DHRS3: variants seen among roughly 807,000 people sequenced by gnomAD.
The protein encoded by DHRS3 is short-chain dehydrogenase/reductase 3.
DHRS3 carries 14 observed loss-of-function variants against 27.2 expected under a neutral mutation model. That is an observed-to-expected ratio of 0.52 (90% CI 0.34 to 0.81). The LOEUF is 0.81. Among genes scored for constraint, DHRS3 ranks in the 30% least tolerant of loss-of-function variants. The probability of loss-of-function intolerance (pLI) is 0.01; values close to 1 mark genes in which losing one functional copy is unlikely to be tolerated. For synonymous variants in DHRS3, 165 were observed against 175.9 expected, an observed-to-expected ratio of 0.94 and a Z score of 0.49; for missense variants, 322 against 406.2, an observed-to-expected ratio of 0.79 and a Z score of 1.78.
rs1007238492 is a variant in DHRS3 at position 12,592,010 on chromosome 1, G to A, written c.196-11344C>T. Among the ~76,000 whole-genome samples the A allele has an allele frequency of 6.6e-6, 1 of 152,210 alleles. No individual in the cohort carries two copies. Among genetic ancestry groups the A allele is most frequent in the Admixed American group, 6.5e-5 (1 of 15,290 alleles). ...CTGATGGGGCTCAGGTGGGAGGACA[G>A]GTGAGGACAGAAGCTGTTCTGAGCA... is the stretch of plus-strand genomic sequence containing the variant. On this transcript the variant is annotated intron_variant, in intron 1 of 5. Transcript: ENST00000616661. The surrounding 1 kb of genome is among the most constrained non-coding windows in gnomAD (Gnocchi z 4.2).
chr1:12,575,312 G>A (rs918195611), intron 4 of DHRS3, among the ~76,000 whole-genome samples: 5 of 150,018 alleles, frequency 3.3e-5, no homozygotes, highest in African/African-American at 1.2e-4. Context: ...GGGCGACAGA[G>A]CAAGACTTTG....
Position 12,590,472 on chromosome 1 carries a change from G to A in DHRS3, c.196-9806C>T, listed in dbSNP as rs113476997. On this transcript the variant is annotated intron_variant, in intron 1 of 5. Transcript: ENST00000616661. ...ATTACAGGCATGCGCCACCACGCCC[G>A]GCTAATTTTGTAATTTTAGTAGAGA... Among the ~76,000 whole-genome samples the A allele has an allele frequency of 1.9e-3, 287 of 152,084 alleles. 2 individuals carry two copies. Among genetic ancestry groups the A allele is most frequent in the African/African-American group, 6.0e-3 (250 of 41,466 alleles).
At chr1:12,570,153 C>T (rs981646711) in intron 5 of DHRS3, 1 of 152,206 alleles carries the variant, frequency 6.6e-6, no homozygotes, top group Non-Finnish European at 1.5e-5. Flanking sequence ...CCTGATTCCA[C>T]AAAGATGACG....
Position 12,579,716 on chromosome 1 carries a change from G to A in DHRS3, c.340-304C>T, listed in dbSNP as rs146867505. The A allele has an allele frequency of 4.9e-3, 1,344 of 272,114 alleles. 25 individuals carry two copies. Among genetic ancestry groups the A allele is most frequent in the African/African-American group, 0.028 (1,263 of 44,478 alleles). 16.9% of individuals were successfully genotyped at this position (272,114 alleles called of 1,614,324 possible). ...ATCTTGTTCTGACCTCAAGTGACCC[G>A]CCTGCCTCGGTCTCCCAAAATGCTG... is the stretch of plus-strand genomic sequence containing the variant. On this transcript the variant is annotated intron_variant, in intron 2 of 5. Transcript: ENST00000616661.
chr1:12,569,487 G>A (rs1646516873), intron 5 of DHRS3, among the ~76,000 whole-genome samples: 1 of 152,012 alleles, frequency 6.6e-6, no homozygotes, highest in African/African-American at 2.4e-5. Flanking sequence ...CATAAATGGG[G>A]TATCCATCAC....
chr1:12,582,468 C>T (rs1014431062), intron 1 of DHRS3, among the ~76,000 whole-genome samples: 1 of 152,234 alleles, frequency 6.6e-6, no homozygotes, highest in African/African-American at 2.4e-5. Context: ...CAGTTCCTCT[C>T]AATGACGGTA....
Position 12,578,865 on chromosome 1 carries a change from C to A in DHRS3, c.551G>T (p.Gly184Val). ...NSVLALSAIP[G>V]AIDYCTSKAS... Reference sequence around the variant, plus strand: ...TTTGGATGTGCAGTAGTCGATGGCACCGGGGATGGCAGACAGTGCCAGCAC... The same window carrying A: ...TTTGGATGTGCAGTAGTCGATGGCAACGGGGATGGCAGACAGTGCCAGCAC... The change falls in exon 4 of 6, where the codon GGT becomes GTT. Residue 184 changes from glycine (G) to valine (V), a missense_variant. Physicochemically the swap from Gly to Val is moderately radical, Grantham distance 109. Transcript: ENST00000616661. The surrounding 1 kb of genome is among the most constrained non-coding windows in gnomAD (Gnocchi z 4.5). The A allele has an allele frequency of 6.2e-7, 1 of 1,613,984 alleles. No homozygotes were observed. The highest frequency in any genetic ancestry group is 8.5e-7 in the Non-Finnish European group (1 of 1,180,028).
At chr1:12,604,078 A>G (rs775764730) in intron 1 of DHRS3, among the ~76,000 whole-genome samples, 1 of 152,182 alleles carries the variant, frequency 6.6e-6, no homozygotes, top group African/African-American at 2.4e-5. Context: ...TTTCAGTTGC[A>G]CCTTCTTCCT....
At chr1:12,612,991 C>T (rs970774973) in intron 1 of DHRS3, among the ~76,000 whole-genome samples, 2 of 151,170 alleles carry the variant, frequency 1.3e-5, no homozygotes, top group African/African-American at 2.4e-5. Context: ...ATCTGGGAGG[C>T]GGAGGTTGCA....
At chr1:12,576,284 T>C (rs4073718) in intron 4 of DHRS3, among the ~76,000 whole-genome samples, 74,445 of 151,614 alleles carry the variant, frequency 0.49, 18,504 homozygotes, top group East Asian at 0.65. Context: ...GACTGCCGGC[T>C]GGGCGTGGTG....
chr1:12,570,187 C>T (rs1490108096), intron 5 of DHRS3: 1 of 151,600 alleles, frequency 6.6e-6, no homozygotes, highest in Non-Finnish European at 1.5e-5. Context: ...GAATCAGGTT[C>T]GATTTGGGTG....
intron 1 of DHRS3, among the ~76,000 whole-genome samples, chr1:12,614,702 C>CTT (rs70987260): frequency 2.2e-4 from 20 of 92,664 alleles, no homozygotes; most frequent in African/African-American, 3.1e-4. Context: ...CTCTGGTACA[C>CTT]TTTTTTTTTT....
chr1:12,568,147 G>A lies in DHRS3; in HGVS notation c.*193C>T, dbSNP rs1646500504. ...TCTGGCTGTTTTCCTGCCTCCCTGT[G>A]GGGGTCAGTTATACCCATCAGTCCT... On this transcript the variant is annotated 3_prime_UTR_variant, in exon 6 of 6. Coordinates refer to ENST00000616661, the MANE Select transcript of DHRS3 (RefSeq NM_004753.7). 1.8e-6 allele frequency: 1 copy of A among 549,678 alleles called. No individual in the cohort carries two copies. The highest frequency in any genetic ancestry group is 1.9e-5 in the African/African-American group (1 of 52,504). The allele number at this position is 549,678 out of a possible 1,614,324, so 34.1% of individuals were successfully genotyped here.
intron 1 of DHRS3, among the ~76,000 whole-genome samples, chr1:12,587,076 C>T (rs529144805): frequency 2.0e-5 from 3 of 151,562 alleles, no homozygotes; most frequent in Non-Finnish European, 4.4e-5. Context: ...GAAAAATGCT[C>T]AGGAGTCTAA....
intron 2 of DHRS3, 167 bp downstream of exon 2, chr1:12,580,356 G>T: frequency 1.2e-6 from 1 of 810,850 alleles, no homozygotes; most frequent in Non-Finnish European, 2.1e-6. Flanking sequence ...CCTAATCCCT[G>T]CCTATGTAAC....
intron 1 of DHRS3, among the ~76,000 whole-genome samples, chr1:12,613,911 G>A (rs75523956): frequency 4.9e-4 from 74 of 151,850 alleles, no homozygotes; most frequent in African/African-American, 1.5e-3. Flanking sequence ...CTGGGATTAC[G>A]GGCGCTTACC....
At chr1:12,599,615 T>A (rs1465708901) in intron 1 of DHRS3, among the ~76,000 whole-genome samples, 1 of 151,964 alleles carries the variant, frequency 6.6e-6, no homozygotes, top group East Asian at 1.9e-4. Flanking sequence ...CTCACACTTT[T>A]GTTCTGGCCA....
chr1:12,580,287 C>T, intron 2 of DHRS3: 1 of 557,398 alleles, frequency 1.8e-6, no homozygotes, highest in Non-Finnish European at 3.2e-6. Context: ...TGGAGAGAAA[C>T]CCACACGGTC....
In DHRS3 at chr1:12,579,386, G is replaced by A; in HGVS notation, c.366C>T (p.Asn122=). 1 of 1,614,182 alleles carries A rather than the reference G, an allele frequency of 6.2e-7. No homozygotes were observed. Among genetic ancestry groups the A allele is most frequent in the Non-Finnish European group, 8.5e-7 (1 of 1,180,026 alleles). Residue 122 remains asparagine (N), a synonymous_variant, in exon 3 of 6, where the codon AAC becomes AAT. Coordinates refer to ENST00000616661, the MANE Select transcript of DHRS3 (RefSeq NM_004753.7). ...TCTTCCCATGGACCACGGCGGCATT[G>A]TTCACCAGGATGGTGATGTCACCCA... ...EKVGDITILV[N]NAAVVHGKSL...
Sources: gnomAD v4.1 joint callset for allele counts (sites outside exome capture counted in the v4.1 genomes callset) on GRCh38, gnomAD v4.1.1 for gene constraint, Gnocchi (gnomAD v3.1) non-coding constraint, MANE v1.5 for transcripts, NCBI Gene and HGNC (gene_info 2026-07-23, HGNC 2026-07-21) for gene names.